The following NFS1 variants were observed in gnomAD, a reference collection of about 807,000 sequenced individuals.
NFS1 encodes NFS1 cysteine desulfurase, also known as cysteine desulfurase.
In NFS1, 26 loss-of-function variants were observed where a neutral mutation model predicts 57.3. The observed-to-expected ratio is 0.45, with a 90% CI of 0.33 to 0.63. The LOEUF is 0.63. Ranked by LOEUF, NFS1 falls within the 20% of genes least tolerant of loss-of-function variation. The probability of loss-of-function intolerance (pLI) is 0.02; values close to 1 mark genes in which losing one functional copy is unlikely to be tolerated. For synonymous variants in NFS1, 209 were observed against 216.3 expected, an observed-to-expected ratio of 0.97 and a Z score of 0.30; for missense variants, 505 against 605.8, an observed-to-expected ratio of 0.83 and a Z score of 1.75.
At position 35,692,189 on chromosome 20, in the gene NFS1, A is replaced by AAAAT. The variant is rs1010627039; in HGVS notation, c.409-1628_409-1625dup. ...CAACAAGAGCAAAACTCTGTCTCAA[A>AAAAT]AAATAAATAAATAAATAAAAATAAA... On this transcript the variant is annotated intron_variant, in intron 4 of 12. Transcript: ENST00000374092. The AAAAT allele has an allele frequency of 4.6e-5, 11 of 237,242 alleles. 1 individual carries two copies. The South Asian group carries it at 5.2e-4, about 11-fold the overall frequency. The allele number at this position is 237,242 out of a possible 1,614,324, so 14.7% of individuals were successfully genotyped here.
At chr20:35,673,502 CT>C (rs2034691088) in intron 11 of NFS1, 98 bp downstream of exon 11, 8 of 993,450 alleles carry the variant, frequency 8.1e-6, no homozygotes, top group Non-Finnish European at 1.2e-5. Flanking sequence ...GAGAACTCGA[CT>C]GAGAAAAACT....
intron 4 of NFS1, chr20:35,694,476 A>T (rs1317235268): frequency 6.6e-6 from 1 of 152,148 alleles, no homozygotes; most frequent in Admixed American, 6.6e-5. Context: ...TAAACACATA[A>T]ATAAAATAAA....
At chr20:35,684,672 C>T (rs1463400243) in intron 5 of NFS1, among the ~76,000 whole-genome samples, 2 of 151,280 alleles carry the variant, frequency 1.3e-5, no homozygotes, top group Admixed American at 1.3e-4. Flanking sequence ...ATCATTTGAA[C>T]CCAGGTGGCA....
chr20:35,677,678 G>C (rs1195184409), intron 7 of NFS1, among the ~76,000 whole-genome samples: 1 of 152,216 alleles, frequency 6.6e-6, no homozygotes, highest in Admixed American at 6.5e-5. Flanking sequence ...ATTGGCACTT[G>C]ACAGTTCTCC....
intron 5 of NFS1, chr20:35,682,606 A>C (rs111563498): frequency 0.069 from 10,291 of 150,062 alleles, 427 homozygotes; most frequent in South Asian, 0.18. Context: ...CTGGCGAACA[A>C]GGAGAAACCC....
chr20:35,669,786 G>T (rs1601514103), intron 12 of NFS1, 101 bp from the exon 13 acceptor site: 1 of 1,077,846 alleles, frequency 9.3e-7, no homozygotes, highest in Non-Finnish European at 1.4e-6. Flanking sequence ...TTCTGTCCCT[G>T]TCTGTCCTCT....
chr20:35,698,747 G>C (rs2035187982), intron 1 of NFS1, 157 bp from the exon 2 acceptor site: 1 of 1,415,352 alleles, frequency 7.1e-7, no homozygotes, highest in South Asian at 1.6e-5. Flanking sequence ...CCAGATACCT[G>C]ACACGCTGTA....
intron 5 of NFS1, among the ~76,000 whole-genome samples, chr20:35,685,865 C>G (rs926525396): frequency 1.5e-5 from 1 of 66,618 alleles, no homozygotes; most frequent in Non-Finnish European, 3.3e-5. Flanking sequence ...TACCCCCCCG[C>G]AAAAAAAAAA....
At position 35,674,534 on chromosome 20, in the gene NFS1, C is replaced by G. The variant is rs751507464; in HGVS notation, c.1032G>C (p.Gly344=). The G allele has an allele frequency of 5.6e-6, 9 of 1,613,718 alleles. No homozygotes were observed. Among genetic ancestry groups the G allele is most frequent in the Middle Eastern group, 1.6e-4 (1 of 6,062 alleles). Reference sequence around the variant, plus strand: ...TACCGGGATAATGGTGCTTAGGGTCCCCATTCATCACCACATCTGGAAGGC... The same window carrying G: ...TACCGGGATAATGGTGCTTAGGGTCGCCATTCATCACCACATCTGGAAGGC... The part of the protein sequence containing the change: ...MKSLPDVVMN[G]DPKHHYPGCI... Residue 344 remains glycine (G), a synonymous_variant, in exon 9 of 13, where the codon GGG becomes GGC. Transcript: ENST00000374092.
rs2146421737 is a variant in NFS1 at position 35,681,917 on chromosome 20, A to G, written c.626T>C (p.Ile209Thr). ...LVSVMTVNNE[I>T]GVKQPIAEIG... is the part of the protein sequence containing the mutation. ...TTCTGCAATAGGCTGCTTCACTCCA[A>G]TCTCATTGTTCACAGTCATGACTGA... is the stretch of plus-strand genomic sequence containing the variant. Residue 209 changes from isoleucine to threonine, a missense_variant, in exon 6 of 13, where the codon ATT (isoleucine) becomes ACT (threonine). By Grantham distance (89) the Ile-to-Thr change is moderately conservative (BLOSUM62 -1). Transcript: ENST00000374092. 3 of 1,612,810 alleles carry G rather than the reference A, an allele frequency of 1.9e-6. No individual in the cohort carries two copies. The highest frequency in any genetic ancestry group is 3.3e-4 in the Middle Eastern group (2 of 6,056).
intron 5 of NFS1, among the ~76,000 whole-genome samples, chr20:35,686,671 A>G (rs112620382): frequency 2.0e-5 from 3 of 152,172 alleles, no homozygotes; most frequent in African/African-American, 4.8e-5. Context: ...GTACTTTAGA[A>G]ATAAAGTCTG....
chr20:35,686,954 G>T (rs1191000080), intron 5 of NFS1, among the ~76,000 whole-genome samples: 2 of 152,072 alleles, frequency 1.3e-5, no homozygotes, highest in African/African-American at 2.4e-5. Flanking sequence ...AGAGATAGGA[G>T]CTGAGGGGAC....
Position 35,672,743 on chromosome 20 carries a change from CA to C in NFS1, c.1310+11del. The C allele has an allele frequency of 6.4e-7, 1 of 1,570,534 alleles. No homozygotes were observed. Among genetic ancestry groups the C allele is most frequent in the Non-Finnish European group, 8.8e-7 (1 of 1,140,182 alleles). On this transcript the variant is annotated intron_variant, in intron 12 of 12. Coordinates refer to ENST00000374092, the MANE Select transcript of NFS1 (RefSeq NM_021100.5). ...AGTTTCTTCCAAAGCGTCTCTGATACAATATGTATACCTCATTTCTCGAAGA... is the reference window on the plus strand; with the variant it reads ...AGTTTCTTCCAAAGCGTCTCTGATACATATGTATACCTCATTTCTCGAAGA...
At chr20:35,669,741 A>G (rs6060546) in intron 12 of NFS1, 56 bp from the exon 13 acceptor site, 1 of 1,527,066 alleles carries the variant, frequency 6.5e-7, no homozygotes, top group African/African-American at 1.4e-5. Context: ...AGTCGACAAC[A>G]TTGGCCCCAA....
At position 35,696,675 on chromosome 20, in the gene NFS1, T is replaced by TA. The variant is rs11483613; in HGVS notation, c.325-216dup. 0.1 allele frequency among the ~76,000 whole-genome samples: 15,719 copies of TA among 152,004 alleles called. 841 individuals carry two copies. The highest frequency in any genetic ancestry group is 0.14 in the South Asian group (698 of 4,818). Reference sequence around the variant, plus strand: ...ATGCAAAATAATAACTTTTTTTTTTTAATGAACTATTGGCCAGGTGTGGTG... The same window carrying TA: ...ATGCAAAATAATAACTTTTTTTTTTTAAATGAACTATTGGCCAGGTGTGGTG... On this transcript the variant is annotated intron_variant, in intron 3 of 12. Transcript: ENST00000374092.
chr20:35,691,075 G>A (rs1409208508), intron 4 of NFS1, among the ~76,000 whole-genome samples: 1 of 152,008 alleles, frequency 6.6e-6, no homozygotes, highest in Non-Finnish European at 1.5e-5. Context: ...GCATATATAG[G>A]AAATTTCTAT....
At chr20:35,698,798 G>A in intron 1 of NFS1, 13 of 1,386,036 alleles carry the variant, frequency 9.4e-6, no homozygotes, top group Non-Finnish European at 1.2e-5. Context: ...CCTGGAGGGG[G>A]TGTTGAGTTG....
intron 5 of NFS1, among the ~76,000 whole-genome samples, chr20:35,682,210 C>T (rs1568959961): frequency 6.6e-6 from 1 of 152,204 alleles, no homozygotes; most frequent in Admixed American, 6.5e-5. Flanking sequence ...AACAGTTTGA[C>T]AGTTTCTGTT....
At chr20:35,685,444 C>A (rs1303100693) in intron 5 of NFS1, among the ~76,000 whole-genome samples, 1 of 151,362 alleles carries the variant, frequency 6.6e-6, no homozygotes, top group Non-Finnish European at 1.5e-5. Flanking sequence ...ATCGCTTGAA[C>A]TTAGAAGGCG....
Sources: gnomAD v4.1 joint callset for allele counts (sites outside exome capture counted in the v4.1 genomes callset) on GRCh38, gnomAD v4.1.1 for gene constraint, MANE v1.5 for transcripts, NCBI Gene and HGNC (gene_info 2026-07-23, HGNC 2026-07-21) for gene names.